Variants in ATG7 observed in about 807,000 individuals in gnomAD.
The protein encoded by ATG7 is autophagy related 7.
In ATG7, 70 loss-of-function variants were observed where a neutral mutation model predicts 82.4. The ratio of observed to expected loss-of-function variants is 0.85; its 90% CI spans 0.70 to 1.04. The LOEUF (loss-of-function observed/expected upper bound fraction) is 1.04, where lower values mean the gene tolerates loss of function less well. Ranked by LOEUF, ATG7 falls within the 50% of genes least tolerant of loss-of-function variation. The probability of loss-of-function intolerance (pLI) is 0.00; values close to 1 mark genes in which losing one functional copy is unlikely to be tolerated. For missense variants in ATG7, 792 were observed against 864.3 expected, an observed-to-expected ratio of 0.92 and a Z score of 1.05; for synonymous variants, 287 against 313.0, an observed-to-expected ratio of 0.92 and a Z score of 0.88.
chr3:11,497,359 A>ATATATATATGTG lies in ATG7; in HGVS notation c.2080-57443_2080-57442insGTGTATATATAT, dbSNP rs1279695737. Reference sequence around the variant, plus strand: ...AAACCCCGTCTGTACTAAAAATACTATATATATATATATATATATATATAT... The same window carrying ATATATATATGTG: ...AAACCCCGTCTGTACTAAAAATACTATATATATATGTGTATATATATATATATATATATATAT... On this transcript the variant is annotated intron_variant, in intron 20 of 20. Coordinates refer to ENST00000693202, the MANE Select transcript of ATG7 (RefSeq NM_001349232.2). 1.6e-4 allele frequency among the ~76,000 whole-genome samples: 6 copies of ATATATATATGTG among 37,204 alleles called. 2 individuals carry two copies. Among genetic ancestry groups the ATATATATATGTG allele is most frequent in the African/African-American group, 5.3e-4 (6 of 11,394 alleles). 24.4% of individuals were successfully genotyped at this position (37,204 alleles called of 152,430 possible). A position where few individuals can be genotyped will look rare whatever the true frequency, so the allele number is the denominator to read the frequency against.
chr3:11,536,717 G>A (rs771975576), intron 20 of ATG7, among the ~76,000 whole-genome samples: 6 of 152,108 alleles, frequency 3.9e-5, no homozygotes, highest in Admixed American at 1.3e-4. Flanking sequence ...GGCTCCGACC[G>A]GGGCCGAGCA....
intron 20 of ATG7, among the ~76,000 whole-genome samples, chr3:11,542,738 C>G (rs62245951): frequency 6.8e-4 from 103 of 152,344 alleles, no homozygotes; most frequent in Non-Finnish European, 1.0e-3. Context: ...CCGGGCACCC[C>G]CTCCCGGGCG....
chr3:11,438,710 G>C (rs575673746), intron 20 of ATG7, among the ~76,000 whole-genome samples: 1 of 152,058 alleles, frequency 6.6e-6, no homozygotes, highest in Non-Finnish European at 1.5e-5. Flanking sequence ...AAAAAATTAG[G>C]CAAATTAGTG....
At chr3:11,557,730 C>T (rs553493518), downstream of ATG7, 7 of 152,712 alleles carry the variant, frequency 4.6e-5, no homozygotes, top group African/African-American at 1.7e-4. Flanking sequence ...TATTTTTTCT[C>T]CATTAAAACA....
intron 20 of ATG7, among the ~76,000 whole-genome samples, chr3:11,542,739 C>T (rs1425800031): frequency 1.3e-5 from 2 of 152,248 alleles, no homozygotes; most frequent in Non-Finnish European, 2.9e-5. Context: ...CGGGCACCCC[C>T]TCCCGGGCGT....
In ATG7 at chr3:11,328,485, G is replaced by A. The variant is rs549969757; in HGVS notation, c.679-2855G>A. 3.1e-4 allele frequency among the ~76,000 whole-genome samples: 47 copies of A among 152,084 alleles called. No individual in the cohort carries two copies. The South Asian group carries it at 7.5e-3, about 24-fold the overall frequency. On this transcript the variant is annotated intron_variant, in intron 9 of 20. Coordinates refer to ENST00000693202, the MANE Select transcript of ATG7 (RefSeq NM_001349232.2). Reference sequence around the variant, plus strand: ...ATTAAATACGAATCTGTCTATTTGCGTTTAAGAAACGAACATGCATTTAGA... The same window carrying A: ...ATTAAATACGAATCTGTCTATTTGCATTTAAGAAACGAACATGCATTTAGA...
chr3:11,464,398 A>G (rs1003498853), intron 20 of ATG7, among the ~76,000 whole-genome samples: 1 of 152,192 alleles, frequency 6.6e-6, no homozygotes, highest in Non-Finnish European at 1.5e-5. Context: ...AAAATTATGT[A>G]TTCAGTAAAT....
intron 9 of ATG7, among the ~76,000 whole-genome samples, chr3:11,316,755 A>T (rs969025922): frequency 3.9e-5 from 6 of 152,238 alleles, no homozygotes; most frequent in African/African-American, 1.4e-4. Context: ...TCAGATATAT[A>T]GGAAGTTGTC....
chr3:11,540,684 C>G (rs2070739829), intron 20 of ATG7, among the ~76,000 whole-genome samples: 1 of 151,476 alleles, frequency 6.6e-6, no homozygotes, highest in African/African-American at 2.4e-5. Context: ...GTTTTTTGGT[C>G]AGATATTGGT....
At chr3:11,422,411 T>C (rs73122118) in intron 19 of ATG7, among the ~76,000 whole-genome samples, 4,055 of 152,288 alleles carry the variant, frequency 0.027, 199 homozygotes, top group African/African-American at 0.093. Flanking sequence ...TAAACCTCAT[T>C]AGCCAACCTC....
At chr3:11,434,387 C>A (rs1245103627) in intron 20 of ATG7, among the ~76,000 whole-genome samples, 1 of 152,158 alleles carries the variant, frequency 6.6e-6, no homozygotes, top group East Asian at 1.9e-4. Flanking sequence ...GAATCCAGTT[C>A]CCTTTTCCCA....
At chr3:11,498,928 G>A (rs2091091043) in intron 20 of ATG7, among the ~76,000 whole-genome samples, 2 of 152,158 alleles carry the variant, frequency 1.3e-5, no homozygotes, top group South Asian at 4.1e-4. Context: ...TCTGGTCTCT[G>A]AGTTCAGCTA....
At chr3:11,568,763 G>C in the ATG7 span, 2 of 1,501,270 alleles carry the variant, frequency 1.3e-6, no homozygotes, top group Non-Finnish European at 1.8e-6. The surrounding 1 kb of genome is among the most constrained non-coding windows in gnomAD (Gnocchi z 5.9). Context: ...GGAGATGGAA[G>C]TCGCCTCCGC....
At chr3:11,506,948 C>T (rs1286379458) in intron 20 of ATG7, among the ~76,000 whole-genome samples, 5 of 152,100 alleles carry the variant, frequency 3.3e-5, no homozygotes, top group Non-Finnish European at 7.4e-5. Context: ...TACAGAGTGA[C>T]AAAGGCTAGG....
chr3:11,378,027 A>ATTTTTTTTTTTTTTTT (rs61176051), intron 18 of ATG7, among the ~76,000 whole-genome samples: 1,877 of 92,552 alleles, frequency 0.02, 232 homozygotes, highest in South Asian at 0.037. Context: ...CCAGTTACCA[A>ATTTTTTTTTTTTTTTT]TTTTTTTTTT....
At chr3:11,483,803 G>C (rs1046602152) in intron 20 of ATG7, among the ~76,000 whole-genome samples, 4 of 152,170 alleles carry the variant, frequency 2.6e-5, no homozygotes, top group African/African-American at 9.7e-5. Context: ...AATCAGGATG[G>C]ACTCTACGGT....
At chr3:11,519,094 C>T (rs2092364345) in intron 20 of ATG7, among the ~76,000 whole-genome samples, 1 of 152,088 alleles carries the variant, frequency 6.6e-6, no homozygotes, top group Non-Finnish European at 1.5e-5. Flanking sequence ...CCAAATTTTC[C>T]AGAGTGCAAA....
At chr3:11,475,168 G>T (rs1303252663) in intron 20 of ATG7, among the ~76,000 whole-genome samples, 2 of 152,094 alleles carry the variant, frequency 1.3e-5, no homozygotes, top group Non-Finnish European at 2.9e-5. Context: ...GACCAGGCCA[G>T]GGAATTTGGA....
intron 20 of ATG7, among the ~76,000 whole-genome samples, chr3:11,542,074 G>A (rs2070875612): frequency 6.6e-6 from 1 of 152,158 alleles, no homozygotes; most frequent in Non-Finnish European, 1.5e-5. Context: ...CAGCGGAGAG[G>A]CTGGAGCACT....
Sources: gnomAD v4.1 joint callset for allele counts (sites outside exome capture counted in the v4.1 genomes callset) on GRCh38, gnomAD v4.1.1 for gene constraint, Gnocchi (gnomAD v3.1) non-coding constraint, MANE v1.5 for transcripts, NCBI Gene and HGNC (gene_info 2026-07-23, HGNC 2026-07-21) for gene names.